CCDC141: variants seen among roughly 807,000 people sequenced by gnomAD.
CCDC141 encodes the protein coiled-coil domain-containing protein 141.
A neutral mutation model predicts 181.0 loss-of-function variants in CCDC141; 168 were observed. The observed-to-expected ratio is 0.93, with a 90% CI of 0.82 to 1.05. The LOEUF is 1.05. CCDC141 is among the 50% of genes least tolerant of loss of function. CCDC141 has a pLI of 0.00. For synonymous variants in CCDC141, 666 were observed against 642.3 expected (o/e 1.04, Z -0.56); for missense variants, 1,902 against 1,788.5 (o/e 1.06, Z -1.14).
chr2:179,035,731 G>C (rs1004058106), intron 2 of CCDC141, among the ~76,000 whole-genome samples: 3 of 152,160 alleles, frequency 2.0e-5, no homozygotes, highest in Non-Finnish European at 2.9e-5. Context: ...TGGGTTCCCA[G>C]AGTTACAATT....
chr2:178,908,232 G>C (rs1168203694), intron 7 of CCDC141, among the ~76,000 whole-genome samples: 1 of 152,084 alleles, frequency 6.6e-6, no homozygotes, highest in Admixed American at 6.5e-5. Flanking sequence ...GTCTCGCTCT[G>C]CCGCCAGGCT....
intron 8 of CCDC141, among the ~76,000 whole-genome samples, chr2:178,903,765 A>T (rs778042741): frequency 5.4e-4 from 58 of 106,922 alleles, no homozygotes; most frequent in Admixed American, 1.2e-3. Flanking sequence ...GTAATAATTT[A>T]AAAAAAAATT....
Position 178,855,631 on chromosome 2 carries a change from T to A in CCDC141, c.2866-90A>T, listed in dbSNP as rs1685351817. ...ATACTGAGAGAAAAACTGGTAAAAATTTTGCAGCTTCCTCCAATCTATTAA... is the reference window on the plus strand; with the variant it reads ...ATACTGAGAGAAAAACTGGTAAAAAATTTGCAGCTTCCTCCAATCTATTAA... On this transcript the variant is annotated intron_variant, in intron 18 of 23. Transcript: ENST00000443758. 1.2e-5 allele frequency: 9 copies of A among 770,018 alleles called. No individual in the cohort carries two copies. In the East Asian group the frequency reaches 2.7e-4, roughly 23 times the overall value. The allele number at this position is 770,018 out of a possible 1,614,324, so 47.7% of individuals were successfully genotyped here.
chr2:178,818,744 G>C, the CCDC141 span, among the ~76,000 whole-genome samples: 28 of 152,084 alleles, frequency 1.8e-4, no homozygotes, highest in African/African-American at 6.0e-4. Flanking sequence ...AACATACATG[G>C]GCATGTATCT....
chr2:178,890,401 G>T (rs1020253475), intron 8 of CCDC141, among the ~76,000 whole-genome samples: 1 of 152,130 alleles, frequency 6.6e-6, no homozygotes, highest in Non-Finnish European at 1.5e-5. Flanking sequence ...GCTGTAGCTT[G>T]GAGGGGAGTC....
rs1684360413 is a variant in CCDC141, at chr2:178,833,853, C to T, written c.*320G>A. On this transcript the variant is annotated 3_prime_UTR_variant, in exon 24 of 24. Coordinates refer to ENST00000443758, the MANE Select transcript of CCDC141 (RefSeq NM_173648.4). ...ATTTAGCACATTTCTATGCCGATGT[C>T]AGCCTTCATCTGCACGCCCTTAAAT... The T allele has an allele frequency of 4.3e-6, 1 of 230,914 alleles. No individual in the cohort carries two copies. Among genetic ancestry groups the T allele is most frequent in the East Asian group, 9.1e-5 (1 of 11,032 alleles). 14.3% of individuals were successfully genotyped at this position (230,914 alleles called of 1,614,324 possible).
At chr2:178,898,827 C>A (rs1197154889) in intron 8 of CCDC141, among the ~76,000 whole-genome samples, 1 of 152,064 alleles carries the variant, frequency 6.6e-6, no homozygotes, top group Non-Finnish European at 1.5e-5. Flanking sequence ...GAAAAAAAAT[C>A]AGATCAAAGG....
At chr2:178,843,930 G>C (rs1424821146) in intron 22 of CCDC141, among the ~76,000 whole-genome samples, 1 of 152,140 alleles carries the variant, frequency 6.6e-6, no homozygotes, top group Non-Finnish European at 1.5e-5. Context: ...AACAATTCTT[G>C]ACAGCTGTAA....
chr2:179,044,346 C>T (rs2043413925), intron 2 of CCDC141, among the ~76,000 whole-genome samples: 1 of 152,146 alleles, frequency 6.6e-6, no homozygotes, highest in Non-Finnish European at 1.5e-5. Context: ...CCCGAATAGC[C>T]AAGGCAATCC....
chr2:178,872,453 C>A, intron 12 of CCDC141, 141 bp from the exon 13 acceptor site: 4 of 721,338 alleles, frequency 5.5e-6, no homozygotes, highest in Non-Finnish European at 6.7e-6. Context: ...GTCCGAAATC[C>A]CTGCGCAGAG....
chr2:179,002,669 C>A, intron 2 of CCDC141: 2 of 157,686 alleles, frequency 1.3e-5, no homozygotes, highest in Non-Finnish European at 2.8e-5. Context: ...AAACTTTTGG[C>A]CAAAAGAATG....
Position 178,953,436 on chromosome 2 carries a change from CA to C in CCDC141, c.780+7793del, listed in dbSNP as rs34278844. Among the ~76,000 whole-genome samples, 1,164 of 129,916 alleles carry C rather than the reference CA, an allele frequency of 9.0e-3. 10 individuals carry two copies. Among genetic ancestry groups the C allele is most frequent in the African/African-American group, 0.025 (872 of 34,682 alleles). The allele number at this position is 129,916 out of a possible 152,430, so 85.2% of individuals were successfully genotyped here. On this transcript the variant is annotated intron_variant, in intron 5 of 23. Transcript: ENST00000443758. ...TGGGCAACAGAGCGAGACTCCCTCT[CA>C]AAAAAAAAAAAAAATGCTCATATTC...
intron 17 of CCDC141, among the ~76,000 whole-genome samples, chr2:178,861,776 T>C (rs1418957952): frequency 6.6e-6 from 1 of 152,198 alleles, no homozygotes; most frequent in Non-Finnish European, 1.5e-5. Flanking sequence ...GCCACTGCTA[T>C]TTGTATTCTT....
At chr2:178,963,969 A>G (rs1690512923) in intron 4 of CCDC141, among the ~76,000 whole-genome samples, 2 of 152,200 alleles carry the variant, frequency 1.3e-5, no homozygotes, top group African/African-American at 4.8e-5. Flanking sequence ...ATTCAAGTCA[A>G]TTTCTTTGGA....
chr2:178,835,984 G>T (rs1684461053), intron 23 of CCDC141: 1 of 152,384 alleles, frequency 6.6e-6, no homozygotes, highest in Admixed American at 6.6e-5. Context: ...ACCATCAATG[G>T]GCACACACAA....
At chr2:178,872,980 G>T (rs185093793) in intron 12 of CCDC141, 1 of 152,032 alleles carries the variant, frequency 6.6e-6, no homozygotes, top group Non-Finnish European at 1.5e-5. Context: ...TGAAACAAGG[G>T]GAAATTCAAT....
At chr2:178,989,529 G>T (rs192200405) in intron 2 of CCDC141, among the ~76,000 whole-genome samples, 1 of 151,372 alleles carries the variant, frequency 6.6e-6, no homozygotes, top group Admixed American at 6.6e-5. Flanking sequence ...AGGAGGCAGA[G>T]GTTGCAGTGA....
chr2:178,902,094 T>G (rs527589792), intron 8 of CCDC141, among the ~76,000 whole-genome samples: 14 of 152,100 alleles, frequency 9.2e-5, no homozygotes, highest in Admixed American at 2.6e-4. Context: ...CACTGCTCAA[T>G]GAAATAAAAG....
chr2:179,028,841 T>C (rs1362846149), intron 2 of CCDC141, among the ~76,000 whole-genome samples: 2 of 152,202 alleles, frequency 1.3e-5, no homozygotes, highest in Admixed American at 6.5e-5. Context: ...CAAATACTTA[T>C]TTTAACTCCC....
Sources: allele counts gnomAD v4.1 joint callset (sites outside exome capture counted in the v4.1 genomes callset), GRCh38; gene constraint gnomAD v4.1.1; transcripts MANE v1.5; gene names NCBI Gene and HGNC (gene_info 2026-07-23, HGNC 2026-07-21).